Variants in BHMT2 observed in about 807,000 individuals in gnomAD.
BHMT2 encodes S-methylmethionine--homocysteine S-methyltransferase BHMT2.
Under a neutral mutation model 39.0 loss-of-function variants are expected in BHMT2, and 28 were observed. The observed-to-expected ratio is 0.72, with a 90% CI of 0.53 to 0.98. The LOEUF is 0.98. Ranked by LOEUF, BHMT2 falls within the 50% of genes least tolerant of loss-of-function variation. The probability of loss-of-function intolerance (pLI) is 0.00; values close to 1 mark genes in which losing one functional copy is unlikely to be tolerated. For synonymous variants in BHMT2, 145 were observed against 160.6 expected, an observed-to-expected ratio of 0.90 and a Z score of 0.74; for missense variants, 410 against 455.6, an observed-to-expected ratio of 0.90 and a Z score of 0.91.
intron 1 of BHMT2, among the ~76,000 whole-genome samples, chr5:79,074,555 T>C (rs62377949): frequency 0.19 from 28,177 of 152,134 alleles, 2,736 homozygotes; most frequent in South Asian, 0.23. Context: ...TTGAAGAAAA[T>C]AGTATATCAA....
chr5:79,077,695 C>T (rs1313255553), intron 2 of BHMT2, 83 bp downstream of exon 2: 2 of 1,499,364 alleles, frequency 1.3e-6, no homozygotes, highest in Non-Finnish European at 1.8e-6. Context: ...AAAAAAATAA[C>T]AACTGTTTCA....
At chr5:79,083,511 A>C (rs1580253421) in intron 6 of BHMT2, 117 bp from the exon 7 acceptor site, 2 of 1,469,844 alleles carry the variant, frequency 1.4e-6, no homozygotes, top group East Asian at 4.7e-5. Flanking sequence ...ATGAGCTATC[A>C]GAAGAATGCA....
rs146677354 is a variant in BHMT2 at position 79,083,634 on chromosome 5, A to G, written c.788A>G (p.Glu263Gly). 5.9e-5 allele frequency: 96 copies of G among 1,613,984 alleles called. No homozygotes were observed. The African/African-American group carries it at 1.1e-3, about 18-fold the overall frequency. The change falls in exon 7 of 8, where the codon GAG becomes GGG. Residue 263 changes from glutamate (E) to glycine (G), a missense_variant. Physicochemically the swap from Glu to Gly is moderately conservative, Grantham distance 98. Coordinates refer to ENST00000255192, the MANE Select transcript of BHMT2 (RefSeq NM_017614.5). ...GTTAACTATTGTGATTCAGGACTGG[A>G]GTCCAGAGTTGCCACCAGATGGGAT... ...VDLPEYPFGL[E>G]SRVATRWDIQ...
At chr5:79,071,762 T>G (rs974199431) in intron 1 of BHMT2, among the ~76,000 whole-genome samples, 1 of 147,148 alleles carries the variant, frequency 6.8e-6, no homozygotes. Flanking sequence ...CCTCCAATGA[T>G]GCACATTTAC....
chr5:79,077,704 C>A (rs1580249020), intron 2 of BHMT2, 92 bp downstream of exon 2: 1 of 1,466,742 alleles, frequency 6.8e-7, no homozygotes, highest in East Asian at 2.3e-5. Context: ...ACAACTGTTT[C>A]AAAGGGGTGT....
At chr5:79,074,729 C>A (rs1001810317) in intron 1 of BHMT2, among the ~76,000 whole-genome samples, 1 of 152,188 alleles carries the variant, frequency 6.6e-6, no homozygotes, top group African/African-American at 2.4e-5. Context: ...TCTGTTCCCC[C>A]TCCTTCCGAA....
chr5:79,087,670 G>A (rs566927586), intron 7 of BHMT2, among the ~76,000 whole-genome samples: 1 of 152,274 alleles, frequency 6.6e-6, no homozygotes, highest in South Asian at 2.1e-4. Context: ...AAAGGGCTAC[G>A]ACCAGGGACC....
Position 79,079,399 on chromosome 5 carries a change from C to G in BHMT2, c.197C>G (p.Ala66Gly). 6.2e-7 allele frequency: 1 copy of G among 1,613,630 alleles called. No individual in the cohort carries two copies. Among genetic ancestry groups the G allele is most frequent in the Non-Finnish European group, 8.5e-7 (1 of 1,179,768 alleles). The part of the protein sequence containing the change: ...VRQLHMEFLR[A>G]GSNVMQTFTF... ...CAACTTCACATGGAATTCTTGAGAG[C>G]AGGATCAAATGTCATGCAGACTTTT... Residue 66 changes from alanine to glycine, a missense_variant, in exon 3 of 8, where the codon GCA (alanine) becomes GGA (glycine). Ala to Gly is a moderately conservative substitution (Grantham distance 60). Coordinates refer to ENST00000255192, the MANE Select transcript of BHMT2 (RefSeq NM_017614.5).
chr5:79,085,978 G>A (rs1755885211), intron 7 of BHMT2, among the ~76,000 whole-genome samples: 2 of 152,154 alleles, frequency 1.3e-5, no homozygotes, highest in African/African-American at 4.8e-5. Flanking sequence ...ACCCTGATAG[G>A]AAGCCGGCAT....
Position 79,088,576 on chromosome 5 carries a change from G to GA in BHMT2, c.*3dup. 6.2e-7 allele frequency: 1 copy of GA among 1,612,842 alleles called. No homozygotes were observed. The highest frequency in any genetic ancestry group is 8.5e-7 in the Non-Finnish European group (1 of 1,179,560). ...TCGCTGTCAAAGCCAGACTTCTAAG[G>GA]AGTAGTGAAAGAAAACCCTGAAATA... On this transcript the variant is annotated 3_prime_UTR_variant, in exon 8 of 8. Coordinates refer to ENST00000255192, the MANE Select transcript of BHMT2 (RefSeq NM_017614.5).
intron 2 of BHMT2, among the ~76,000 whole-genome samples, chr5:79,078,497 C>A (rs1022722106): frequency 6.6e-6 from 1 of 152,170 alleles, no homozygotes; most frequent in Non-Finnish European, 1.5e-5. Flanking sequence ...ATCAGATAAA[C>A]CTAGGGTCCT....
chr5:79,084,130 T>C (rs982287837), intron 7 of BHMT2, among the ~76,000 whole-genome samples: 14 of 152,184 alleles, frequency 9.2e-5, no homozygotes, highest in African/African-American at 3.4e-4. Context: ...TGTCAGCAGA[T>C]TCAATTTCTG....
Position 79,083,187 on chromosome 5 carries a change from C to T in BHMT2, c.599-5C>T, listed in dbSNP as rs2112702187. 2 of 1,613,842 alleles carry T rather than the reference C, an allele frequency of 1.2e-6. No homozygotes were observed. Among genetic ancestry groups the T allele is most frequent in the East Asian group, 2.2e-5 (1 of 44,876 alleles). ...ATAAAATGTAAGTGTTATTTCTTTG[C>T]ACAGGGGCTTCCATCGTTGGCGTGA... On this transcript the variant is annotated splice_polypyrimidine_tract_variant and splice_region_variant and intron_variant, in intron 5 of 7. Coordinates refer to ENST00000255192, the MANE Select transcript of BHMT2 (RefSeq NM_017614.5).
intron 6 of BHMT2, 34 bp from the exon 7 acceptor site, chr5:79,083,594 A>G: frequency 6.2e-7 from 1 of 1,607,188 alleles, no homozygotes; most frequent in South Asian, 1.1e-5. Flanking sequence ...AAATGAGAAC[A>G]GTAACAGAAA....
intron 7 of BHMT2, among the ~76,000 whole-genome samples, chr5:79,085,559 T>C (rs1324345501): frequency 1.3e-5 from 2 of 152,176 alleles, no homozygotes; most frequent in Non-Finnish European, 2.9e-5. Context: ...CGGGAGCCTA[T>C]AATCCCAACT....
chr5:79,083,710 C>T lies in BHMT2; in HGVS notation c.864C>T (p.Gly288=), dbSNP rs755500242. 1.2e-5 allele frequency: 20 copies of T among 1,613,826 alleles called. No homozygotes were observed. The highest frequency in any genetic ancestry group is 8.9e-5 in the East Asian group (4 of 44,866). The change falls in exon 7 of 8, where the codon GGC becomes GGT. Residue 288 remains glycine (G), a synonymous_variant. Coordinates refer to ENST00000255192, the MANE Select transcript of BHMT2 (RefSeq NM_017614.5). ...EAYNLGVRYI[G]GCCGFEPYHI... is the part of the protein sequence containing the mutation. ...ACAACCTGGGGGTCAGGTACATTGG[C>T]GGGTGCTGTGGATTTGAGCCCTACC...
intron 7 of BHMT2, among the ~76,000 whole-genome samples, chr5:79,084,226 G>T (rs890360163): frequency 1.1e-4 from 16 of 152,098 alleles, no homozygotes; most frequent in Admixed American, 2.0e-4. Flanking sequence ...TCCTCACATG[G>T]TAGATGGGGC....
Position 79,081,032 on chromosome 5 carries a change from A to G in BHMT2, c.450+154A>G, listed in dbSNP as rs145103631. 8.0e-5 allele frequency: 53 copies of G among 662,432 alleles called. 1 individual carries two copies. In the East Asian group the frequency reaches 1.7e-3, roughly 21 times the overall value. 41.0% of individuals were successfully genotyped at this position (662,432 alleles called of 1,614,324 possible). ...TTTAAATGCATGGTAGTCAAGGCCA[A>G]CATTCCCTCATTGGTATGCTAGGTT... On this transcript the variant is annotated intron_variant, in intron 4 of 7. Transcript: ENST00000255192.
chr5:79,084,463 G>A (rs561704300), intron 7 of BHMT2, among the ~76,000 whole-genome samples: 30 of 152,132 alleles, frequency 2.0e-4, no homozygotes, highest in Admixed American at 1.4e-3. Flanking sequence ...TAGTAGAGAC[G>A]GGGTTTCACT....
Sources: gnomAD v4.1 joint callset for allele counts (sites outside exome capture counted in the v4.1 genomes callset) on GRCh38, gnomAD v4.1.1 for gene constraint, MANE v1.5 for transcripts, NCBI Gene and HGNC (gene_info 2026-07-23, HGNC 2026-07-21) for gene names.